The following ARHGAP21 variants were observed in gnomAD, a reference collection of about 807,000 sequenced individuals.
The protein encoded by ARHGAP21 is rho GTPase-activating protein 21.
Under a neutral mutation model 164.6 loss-of-function variants are expected in ARHGAP21, and 38 were observed. The ratio of observed to expected loss-of-function variants is 0.23; its 90% CI spans 0.18 to 0.30. ARHGAP21 has a LOEUF of 0.30. Among genes scored for constraint, ARHGAP21 ranks in the 10% least tolerant of loss-of-function variants. ARHGAP21 has a pLI of 1.00. For synonymous variants in ARHGAP21, 766 were observed against 857.9 expected, an observed-to-expected ratio of 0.89 and a Z score of 1.87; for missense variants, 1,822 against 2,370.7, an observed-to-expected ratio of 0.77 and a Z score of 4.81.
chr10:24,634,946 G>T, intron 5 of ARHGAP21, 65 bp downstream of exon 5: 1 of 1,231,376 alleles, frequency 8.1e-7, no homozygotes. Flanking sequence ...TATCGAACAT[G>T]AAATATGGAA....
chr10:24,688,841 T>A (rs1254819620), intron 2 of ARHGAP21, among the ~76,000 whole-genome samples: 1 of 152,198 alleles, frequency 6.6e-6, no homozygotes, highest in African/African-American at 2.4e-5. Context: ...GCATCAAATA[T>A]ACCTAGAATT....
chr10:24,585,337 T>C lies in ARHGAP21; in HGVS notation c.4952A>G (p.Glu1651Gly). Residue 1651 changes from glutamate (E) to glycine (G), a missense_variant, in exon 26 of 26, where the codon GAG becomes GGG. By Grantham distance (98) the Glu-to-Gly change is moderately conservative. Transcript: ENST00000396432. ...FPVFPTALTS[E>G]RLFRGKLQEV... ...TTGCAGTTTTCCTCGGAAAAGCCTC[T>C]CTGAAGTCAAGGCTGTGGGGAACAC... 1 of 1,613,390 alleles carries C rather than the reference T, an allele frequency of 6.2e-7. No individual in the cohort carries two copies. Among genetic ancestry groups the C allele is most frequent in the South Asian group, 1.1e-5 (1 of 91,078 alleles).
chr10:24,629,826 C>T (rs775965871), intron 7 of ARHGAP21, 170 bp downstream of exon 7: 11 of 675,908 alleles, frequency 1.6e-5, no homozygotes, highest in Non-Finnish European at 2.5e-5. Context: ...AAAAACTTGG[C>T]AATGGTATTT....
intron 9 of ARHGAP21, among the ~76,000 whole-genome samples, chr10:24,611,910 G>A (rs1171654997): frequency 6.6e-6 from 1 of 152,038 alleles, no homozygotes; most frequent in African/African-American, 2.4e-5. Context: ...GAACATAAAT[G>A]TGGAGGGCAA....
chr10:24,664,570 T>C (rs200226356), intron 4 of ARHGAP21, among the ~76,000 whole-genome samples: 1 of 148,242 alleles, frequency 6.7e-6, no homozygotes, highest in African/African-American at 2.5e-5. Context: ...AAAAAAATAA[T>C]AATAATAATA....
intron 6 of ARHGAP21, among the ~76,000 whole-genome samples, chr10:24,632,685 C>T (rs2131344128): frequency 6.6e-6 from 1 of 152,234 alleles, no homozygotes; most frequent in Non-Finnish European, 1.5e-5. Flanking sequence ...TTAGATAATC[C>T]AAAAGTTCCT....
At chr10:24,686,866 C>T (rs1423481888) in intron 2 of ARHGAP21, among the ~76,000 whole-genome samples, 2 of 152,140 alleles carry the variant, frequency 1.3e-5, no homozygotes, top group Admixed American at 6.5e-5. Flanking sequence ...GCAGAACTTC[C>T]CGATCAGTGT....
chr10:24,695,238 T>C (rs1843077725), intron 2 of ARHGAP21, among the ~76,000 whole-genome samples: 1 of 152,140 alleles, frequency 6.6e-6, no homozygotes, highest in Non-Finnish European at 1.5e-5. Context: ...CCCTTGAGTG[T>C]GGGCTAGACC....
At chr10:24,604,678 T>G (rs2076952885) in intron 11 of ARHGAP21, among the ~76,000 whole-genome samples, 1 of 152,184 alleles carries the variant, frequency 6.6e-6, no homozygotes, top group Admixed American at 6.5e-5. Flanking sequence ...CAATGCTATA[T>G]TAAGGATTTC....
At chr10:24,626,347 C>T (rs1223994133) in intron 7 of ARHGAP21, among the ~76,000 whole-genome samples, 1 of 152,080 alleles carries the variant, frequency 6.6e-6, no homozygotes, top group South Asian at 2.1e-4. Flanking sequence ...CACTTAATCA[C>T]CAGTGTGAAT....
intron 2 of ARHGAP21, among the ~76,000 whole-genome samples, chr10:24,694,998 CT>C (rs952437603): frequency 8.6e-6 from 1 of 116,480 alleles, no homozygotes; most frequent in Admixed American, 1.0e-4. Context: ...TTGCAGTGAG[CT>C]GAGATGGTGC....
At chr10:24,649,718 C>T (rs1837963321) in intron 4 of ARHGAP21, among the ~76,000 whole-genome samples, 1 of 149,556 alleles carries the variant, frequency 6.7e-6, no homozygotes, top group Non-Finnish European at 1.5e-5. Context: ...AAAAAAAAAA[C>T]CATGGAAAAC....
intron 11 of ARHGAP21, 135 bp downstream of exon 11, chr10:24,607,364 C>A: frequency 1.4e-6 from 1 of 733,904 alleles, no homozygotes; most frequent in South Asian, 2.1e-5. Flanking sequence ...TTACCATTAA[C>A]AACTTTATTT....
intron 2 of ARHGAP21, among the ~76,000 whole-genome samples, chr10:24,709,950 T>C (rs1050849706): frequency 1.3e-5 from 2 of 152,214 alleles, no homozygotes; most frequent in African/African-American, 4.8e-5. Flanking sequence ...CATTCAAGCT[T>C]AACATAAGTC....
At position 24,585,500 on chromosome 10, in the gene ARHGAP21, T is replaced by G; in HGVS notation, c.4789A>C (p.Thr1597Pro). Reference protein sequence around the residue: ...YSTTSSATYLTSLDSSRLSPE... With the variant: ...YSTTSSATYLPSLDSSRLSPE... ...CTCAGTCGACTGGAGTCCAGGCTAGTCAAGTATGTAGCAGACGATGTGGTG... is the reference window on the plus strand; with the variant it reads ...CTCAGTCGACTGGAGTCCAGGCTAGGCAAGTATGTAGCAGACGATGTGGTG... Residue 1597 changes from threonine to proline, a missense_variant, in exon 26 of 26, where the codon ACT becomes CCT. Coordinates refer to ENST00000396432, the MANE Select transcript of ARHGAP21 (RefSeq NM_020824.4). 6.2e-7 allele frequency: 1 copy of G among 1,614,064 alleles called. No individual in the cohort carries two copies. Among genetic ancestry groups the G allele is most frequent in the East Asian group, 2.2e-5 (1 of 44,894 alleles).
At chr10:24,628,952 CTATAT>C (rs1275649491) in intron 7 of ARHGAP21, 3 of 13,762 alleles carry the variant, frequency 2.2e-4, no homozygotes, top group African/African-American at 1.2e-3. Flanking sequence ...CACACACACA[CTATAT>C]ATATATATAT....
At chr10:24,601,315 CAGG>C (rs1296653073) in intron 13 of ARHGAP21, among the ~76,000 whole-genome samples, 9 of 152,326 alleles carry the variant, frequency 5.9e-5, no homozygotes, top group African/African-American at 2.2e-4. Flanking sequence ...ACAGATACTG[CAGG>C]AGTTCTCCAA....
At chr10:24,627,192 T>C (rs1326676546) in intron 7 of ARHGAP21, among the ~76,000 whole-genome samples, 1 of 152,188 alleles carries the variant, frequency 6.6e-6, no homozygotes, top group East Asian at 1.9e-4. Context: ...GGCAAACATA[T>C]ACAACCTACA....
At chr10:24,686,865 C>A (rs916525510) in intron 2 of ARHGAP21, among the ~76,000 whole-genome samples, 1 of 152,148 alleles carries the variant, frequency 6.6e-6, no homozygotes, top group African/African-American at 2.4e-5. Flanking sequence ...AGCAGAACTT[C>A]CCGATCAGTG....
Sources: gnomAD v4.1 joint callset for allele counts (sites outside exome capture counted in the v4.1 genomes callset) on GRCh38, gnomAD v4.1.1 for gene constraint, MANE v1.5 for transcripts, NCBI Gene and HGNC (gene_info 2026-07-23, HGNC 2026-07-21) for gene names.